The following CCDC83 variants were observed in gnomAD, a reference collection of about 807,000 sequenced individuals.
The protein encoded by CCDC83 is coiled-coil domain containing 83, also known as coiled-coil domain-containing protein 83.
A neutral mutation model predicts 50.1 loss-of-function variants in CCDC83; 54 were observed. That is an observed-to-expected ratio of 1.08 (90% CI 0.87 to 1.35). CCDC83 has a LOEUF of 1.35. Ranked by LOEUF, CCDC83 falls within the 40% of genes most tolerant of loss-of-function variation. CCDC83 has a pLI of 0.00. For missense variants in CCDC83, 518 were observed against 473.9 expected (o/e 1.09, Z -0.86); for synonymous variants, 161 against 153.3 (o/e 1.05, Z -0.37).
intron 1 of CCDC83, among the ~76,000 whole-genome samples, chr11:85,856,460 G>A (rs2093141710): frequency 6.6e-6 from 1 of 152,114 alleles, no homozygotes; most frequent in Non-Finnish European, 1.5e-5. Flanking sequence ...CTGAAGGACA[G>A]TAAGAGTGGG....
intron 5 of CCDC83, among the ~76,000 whole-genome samples, chr11:85,894,006 A>C (rs527275159): frequency 6.6e-6 from 1 of 152,294 alleles, no homozygotes; most frequent in East Asian, 1.9e-4. Context: ...CAGGGCTCCC[A>C]CTGATTCTAC....
At chr11:85,897,176 G>A (rs1484119487) in intron 6 of CCDC83, among the ~76,000 whole-genome samples, 1 of 152,120 alleles carries the variant, frequency 6.6e-6, no homozygotes, top group African/African-American at 2.4e-5. Context: ...AGCATATATC[G>A]TGAGGACTAT....
At chr11:85,855,196 C>T (rs1162098800), upstream of CCDC83, 1 of 152,362 alleles carries the variant, frequency 6.6e-6, no homozygotes, top group African/African-American at 2.4e-5. Context: ...CGGGTATCCG[C>T]CCCTGCAGGC....
chr11:85,879,793 A>C (rs959555356), intron 3 of CCDC83, among the ~76,000 whole-genome samples: 12 of 152,066 alleles, frequency 7.9e-5, no homozygotes, highest in Non-Finnish European at 1.8e-4. Context: ...CTAATTTTGT[A>C]TTTTTAATAG....
intron 4 of CCDC83, among the ~76,000 whole-genome samples, chr11:85,884,825 G>C (rs897895167): frequency 1.3e-5 from 2 of 152,210 alleles, no homozygotes; most frequent in Non-Finnish European, 2.9e-5. Flanking sequence ...GTAGCAGTCT[G>C]CTCGAATGAG....
In CCDC83 at chr11:85,911,383, G is replaced by C; in HGVS notation, c.775G>C (p.Val259Leu). 6.2e-7 allele frequency: 1 copy of C among 1,606,728 alleles called. No homozygotes were observed. The highest frequency in any genetic ancestry group is 8.5e-7 in the Non-Finnish European group (1 of 1,177,146). Residue 259 changes from valine (V) to leucine (L), a missense_variant, in exon 8 of 11, where the codon GTG becomes CTG. By Grantham distance (32) the Val-to-Leu change is conservative. Coordinates refer to ENST00000342404, the MANE Select transcript of CCDC83 (RefSeq NM_001286159.2). ...TGATCAACTATCCAACTGTAGACTT[G>C]TGGATCTCAAGATACCCAGGTGAAA... is the stretch of plus-strand genomic sequence containing the variant. ...LIDQLSNCRL[V>L]DLKIPRRLYL...
chr11:85,889,990 A>G (rs2093344531), intron 5 of CCDC83, among the ~76,000 whole-genome samples: 1 of 152,164 alleles, frequency 6.6e-6, no homozygotes, highest in African/African-American at 2.4e-5. Context: ...GGCCAGGAAA[A>G]GGTTGTTAGA....
chr11:85,878,498 T>G (rs1164613830), intron 3 of CCDC83, among the ~76,000 whole-genome samples: 1 of 152,230 alleles, frequency 6.6e-6, no homozygotes, highest in African/African-American at 2.4e-5. Flanking sequence ...ACATCCAGGT[T>G]GTTGTGTGTG....
intron 7 of CCDC83, among the ~76,000 whole-genome samples, chr11:85,903,745 A>T (rs1357566026): frequency 6.6e-6 from 1 of 152,094 alleles, no homozygotes; most frequent in African/African-American, 2.4e-5. Flanking sequence ...AGATCTTTCA[A>T]TTGTGTCTTA....
At chr11:85,892,127 A>T (rs988497497) in intron 5 of CCDC83, among the ~76,000 whole-genome samples, 6 of 152,208 alleles carry the variant, frequency 3.9e-5, no homozygotes, top group African/African-American at 1.4e-4. Flanking sequence ...GGCCAGGAGG[A>T]GTGAACCAAA....
chr11:85,909,609 CTTTTTTTTTTTTT>C (rs71468972), intron 7 of CCDC83, among the ~76,000 whole-genome samples: 29 of 57,726 alleles, frequency 5.0e-4, no homozygotes, highest in East Asian at 2.0e-3. Context: ...TCAAAATACA[CTTTTTTTTTTTTT>C]TTTTTTTTTT....
intron 1 of CCDC83, among the ~76,000 whole-genome samples, chr11:85,860,320 A>G (rs960152357): frequency 3.3e-5 from 5 of 151,584 alleles, no homozygotes; most frequent in African/African-American, 7.2e-5. Context: ...AAAAAAAAAA[A>G]AAGAAGGCAA....
intron 7 of CCDC83, 58 bp downstream of exon 7, chr11:85,899,073 T>A (rs2093388646): frequency 1.6e-6 from 2 of 1,279,208 alleles, no homozygotes; most frequent in African/African-American, 2.9e-5. Context: ...TAAGTGGAAA[T>A]GACTTTTAAT....
At chr11:85,859,609 G>A (rs1592130972) in intron 1 of CCDC83, among the ~76,000 whole-genome samples, 1 of 152,202 alleles carries the variant, frequency 6.6e-6, no homozygotes, top group South Asian at 2.1e-4. Context: ...GGGATAACTG[G>A]CTAGCCATAT....
chr11:85,868,418 A>G (rs1392758421), intron 2 of CCDC83, among the ~76,000 whole-genome samples: 1 of 152,234 alleles, frequency 6.6e-6, no homozygotes, highest in African/African-American at 2.4e-5. Flanking sequence ...TCTGTCACCC[A>G]GGCTGGAGTG....
At chr11:85,892,464 C>T (rs540381931) in intron 5 of CCDC83, among the ~76,000 whole-genome samples, 12 of 152,124 alleles carry the variant, frequency 7.9e-5, no homozygotes, top group African/African-American at 2.9e-4. Flanking sequence ...GAAAAACGGT[C>T]CATACACTTT....
chr11:85,895,314 A>G lies in CCDC83; in HGVS notation c.533A>G (p.Glu178Gly). Reference protein sequence around the residue: ...KMSEHYKITLEDTRKKIIKET... With the variant: ...KMSEHYKITLGDTRKKIIKET... ...AAAGAACACTATAAAATCACTCTGG[A>G]AGATACTAGAAAGAAAATAATCAAG... Residue 178 changes from glutamate to glycine, a missense_variant, in exon 6 of 11, where the codon GAA becomes GGA. Transcript: ENST00000342404. 1 of 1,274,068 alleles carries G rather than the reference A, an allele frequency of 7.8e-7. No individual in the cohort carries two copies. Among genetic ancestry groups the G allele is most frequent in the Non-Finnish European group, 1.1e-6 (1 of 916,290 alleles). The allele number at this position is 1,274,068 out of a possible 1,614,324, so 78.9% of individuals were successfully genotyped here.
chr11:85,914,298 C>T (rs776433162), intron 8 of CCDC83, among the ~76,000 whole-genome samples: 8 of 152,176 alleles, frequency 5.3e-5, no homozygotes, highest in Non-Finnish European at 7.3e-5. Flanking sequence ...CATTTGCAAG[C>T]GTTCAATTAC....
At chr11:85,876,031 C>A (rs2093267326) in intron 3 of CCDC83, among the ~76,000 whole-genome samples, 1 of 151,940 alleles carries the variant, frequency 6.6e-6, no homozygotes, top group South Asian at 2.1e-4. Flanking sequence ...CTTTCTTTAC[C>A]TCTCACCTCT....
Sources: allele counts gnomAD v4.1 joint callset (sites outside exome capture counted in the v4.1 genomes callset), GRCh38; gene constraint gnomAD v4.1.1; transcripts MANE v1.5; gene names NCBI Gene and HGNC (gene_info 2026-07-23, HGNC 2026-07-21).